The following GRAMD1B variants were observed in gnomAD, a reference collection of about 807,000 sequenced individuals.
GRAMD1B encodes the protein GRAM domain containing 1B, also known as protein Aster-B.
GRAMD1B carries 37 observed loss-of-function variants against 99.7 expected under a neutral mutation model. That is an observed-to-expected ratio of 0.37 (90% CI 0.29 to 0.49). The LOEUF is 0.49. Ranked by LOEUF, GRAMD1B falls within the 20% of genes least tolerant of loss-of-function variation. The pLI, the probability that GRAMD1B is intolerant of heterozygous loss-of-function variation, is 0.98. For missense variants in GRAMD1B, 888 were observed against 1,009.2 expected, an observed-to-expected ratio of 0.88 and a Z score of 1.63; for synonymous variants, 427 against 387.6, an observed-to-expected ratio of 1.10 and a Z score of -1.19.
intron 2 of GRAMD1B, among the ~76,000 whole-genome samples, chr11:123,528,120 T>A (rs1193854052): frequency 6.6e-6 from 1 of 152,102 alleles, no homozygotes; most frequent in Non-Finnish European, 1.5e-5. Flanking sequence ...GTGGATGAAA[T>A]GCGGCTCCCT....
chr11:123,527,089 G>GCTCC (rs1344502174), intron 2 of GRAMD1B, among the ~76,000 whole-genome samples: 1 of 152,210 alleles, frequency 6.6e-6, no homozygotes, highest in Admixed American at 6.5e-5. Context: ...TCTCCCTGAA[G>GCTCC]AGGGTGGAGG....
chr11:123,594,602 G>A (rs1592185665), intron 5 of GRAMD1B, 133 bp from the exon 6 acceptor site: 4 of 640,382 alleles, frequency 6.2e-6, no homozygotes, highest in East Asian at 2.7e-5. Context: ...TAGTTCAAGT[G>A]TCTGGCACCC....
chr11:123,447,382 A>G (rs1435433596), intron 1 of GRAMD1B, among the ~76,000 whole-genome samples: 1 of 152,200 alleles, frequency 6.6e-6, no homozygotes, highest in Non-Finnish European at 1.5e-5. Context: ...GTCTCCGGCA[A>G]CCAGAACAAG....
chr11:123,480,566 G>A (rs999165359), intron 1 of GRAMD1B, among the ~76,000 whole-genome samples: 3 of 152,150 alleles, frequency 2.0e-5, no homozygotes, highest in Admixed American at 1.3e-4. Context: ...TGGTAGCAGG[G>A]CGAGATGGGC....
chr11:123,583,038 G>A (rs993575763), intron 3 of GRAMD1B, among the ~76,000 whole-genome samples: 2 of 151,938 alleles, frequency 1.3e-5, no homozygotes, highest in Non-Finnish European at 2.9e-5. Flanking sequence ...GTGAATGTAT[G>A]TGTGTATATA....
chr11:123,420,933 C>G (rs1424599707), intron 1 of GRAMD1B, among the ~76,000 whole-genome samples: 1 of 152,186 alleles, frequency 6.6e-6, no homozygotes, highest in Non-Finnish European at 1.5e-5. Flanking sequence ...TTAGGTGAAT[C>G]TGAAAATTTT....
At chr11:123,545,011 G>A (rs534242087) in intron 2 of GRAMD1B, among the ~76,000 whole-genome samples, 103 of 152,292 alleles carry the variant, frequency 6.8e-4, no homozygotes, top group African/African-American at 2.3e-3. Context: ...GATGTGCAGC[G>A]TGTCAAGTGT....
intron 1 of GRAMD1B, among the ~76,000 whole-genome samples, chr11:123,401,882 T>C (rs1947674540): frequency 6.6e-6 from 1 of 152,056 alleles, no homozygotes; most frequent in African/African-American, 2.4e-5. Flanking sequence ...CACTCCAGCC[T>C]GGGTGACAGA....
intron 1 of GRAMD1B, chr11:123,459,963 A>C (rs990599881): frequency 1.3e-4 from 20 of 152,190 alleles, no homozygotes; most frequent in African/African-American, 4.3e-4. Context: ...GTTCTTGTCC[A>C]TTTTTATGTC....
chr11:123,528,580 C>A (rs1291132595), intron 2 of GRAMD1B, among the ~76,000 whole-genome samples: 1 of 152,094 alleles, frequency 6.6e-6, no homozygotes, highest in Non-Finnish European at 1.5e-5. Context: ...AGATAGGAAC[C>A]AGGCTTTGGG....
At chr11:123,593,907 C>T (rs1265322001) in intron 4 of GRAMD1B, among the ~76,000 whole-genome samples, 175 bp from the exon 5 acceptor site, 1 of 152,164 alleles carries the variant, frequency 6.6e-6, no homozygotes, top group Non-Finnish European at 1.5e-5. Flanking sequence ...ATTCTCCCCA[C>T]TGTGTTTCTC....
Position 123,606,759 on chromosome 11 carries a change from C to T in GRAMD1B, c.1474C>T (p.Pro492Ser). ...SLDFNDNEDI[P>S]TELSDSSDTH... ...GGACTTCAATGACAATGAGGACATCCCCACTGAGCTCAGTGACTCTTCCGA... is the reference window on the plus strand; with the variant it reads ...GGACTTCAATGACAATGAGGACATCTCCACTGAGCTCAGTGACTCTTCCGA... Residue 492 changes from proline (P) to serine (S), a missense_variant, in exon 11 of 20, where the codon CCC (proline) becomes TCC (serine). Pro to Ser is a moderately conservative substitution (Grantham distance 74, BLOSUM62 -1). Around this residue, in one of 5 missense-constraint regions of GRAMD1B, gnomAD observed 269 missense variants for 296.6 expected, o/e 0.91. Coordinates refer to ENST00000635736, the MANE Select transcript of GRAMD1B (RefSeq NM_001387025.1). The T allele has an allele frequency of 6.2e-7, 1 of 1,613,746 alleles. No homozygotes were observed. The highest frequency in any genetic ancestry group is 8.5e-7 in the Non-Finnish European group (1 of 1,179,782).
intron 1 of GRAMD1B, among the ~76,000 whole-genome samples, chr11:123,386,701 A>G (rs1443592512): frequency 1.3e-5 from 2 of 152,130 alleles, no homozygotes; most frequent in African/African-American, 4.8e-5. Context: ...TGCCTGCCTC[A>G]GCCTCGCAAA....
At chr11:123,571,776 A>G (rs1029992360) in intron 2 of GRAMD1B, among the ~76,000 whole-genome samples, 2 of 152,028 alleles carry the variant, frequency 1.3e-5, no homozygotes. Flanking sequence ...ATCCCATGCT[A>G]TTTTATGCCT....
chr11:123,581,714 C>T (rs1949370633), intron 3 of GRAMD1B, among the ~76,000 whole-genome samples: 1 of 152,228 alleles, frequency 6.6e-6, no homozygotes, highest in Non-Finnish European at 1.5e-5. Flanking sequence ...TTCTTTAGTA[C>T]ATGTTCTTAC....
chr11:123,439,856 T>C (rs551882339), intron 1 of GRAMD1B, among the ~76,000 whole-genome samples: 29 of 152,286 alleles, frequency 1.9e-4, no homozygotes, highest in Non-Finnish European at 3.4e-4. Flanking sequence ...CCCTCCACAA[T>C]CTGACCACAG....
chr11:123,578,153 G>T (rs1414331047), intron 3 of GRAMD1B, among the ~76,000 whole-genome samples: 1 of 152,112 alleles, frequency 6.6e-6, no homozygotes, highest in Admixed American at 6.5e-5. Flanking sequence ...CCCCAGGGGG[G>T]CCTGGGCTAA....
In GRAMD1B at chr11:123,610,602, G is replaced by A. The variant is rs895104980; in HGVS notation, c.1919+264G>A. ...GTGGCTTATACAGTATAGTGTAGGC[G>A]CTTTACCTACATTCACTGGAGTCTT... On this transcript the variant is annotated intron_variant, in intron 14 of 19. Transcript: ENST00000635736. This position sits in a 1 kb window ranked among gnomAD's most constrained non-coding sequence, Gnocchi z 4.1. Among the ~76,000 whole-genome samples the A allele has an allele frequency of 1.4e-4, 21 of 152,268 alleles. No individual in the cohort carries two copies. The highest frequency in any genetic ancestry group is 4.6e-4 in the African/African-American group (19 of 41,560).
At chr11:123,410,176 C>T (rs1242784056) in intron 1 of GRAMD1B, among the ~76,000 whole-genome samples, 1 of 149,702 alleles carries the variant, frequency 6.7e-6, no homozygotes, top group Non-Finnish European at 1.5e-5. Flanking sequence ...GATTTTGGGA[C>T]AAGAAAAAAG....
Sources: gnomAD v4.1 joint callset for allele counts (sites outside exome capture counted in the v4.1 genomes callset) on GRCh38, gnomAD v4.1.1 for gene constraint, gnomAD v4.1.1 regional missense constraint, Gnocchi (gnomAD v3.1) non-coding constraint, MANE v1.5 for transcripts, NCBI Gene and HGNC (gene_info 2026-07-23, HGNC 2026-07-21) for gene names.